EPS15: variants seen among roughly 807,000 people sequenced by gnomAD.
The protein encoded by EPS15 is epidermal growth factor receptor pathway substrate 15, also known as epidermal growth factor receptor substrate 15.
EPS15 carries 72 observed loss-of-function variants against 113.8 expected under a neutral mutation model. The observed-to-expected ratio is 0.63, with a 90% CI of 0.52 to 0.77. The LOEUF is 0.77. EPS15 is among the 30% of genes least tolerant of loss of function. The pLI is 0.00. For missense variants in EPS15, 1,048 were observed against 1,045.8 expected (o/e 1.00, Z -0.03); for synonymous variants, 344 against 363.4 (o/e 0.95, Z 0.61).
At chr1:51,395,686 T>C (rs924371150) in intron 20 of EPS15, among the ~76,000 whole-genome samples, 10 of 152,252 alleles carry the variant, frequency 6.6e-5, no homozygotes, top group African/African-American at 2.2e-4. Context: ...TCCTACTTTA[T>C]ACTTTAGTTT....
At chr1:51,496,624 C>T (rs1362299572) in intron 1 of EPS15, among the ~76,000 whole-genome samples, 1 of 152,164 alleles carries the variant, frequency 6.6e-6, no homozygotes. Context: ...GCAATTATGC[C>T]CAGAATCAGA....
At chr1:51,379,541 C>T (rs1646887466) in intron 21 of EPS15, among the ~76,000 whole-genome samples, 2 of 152,284 alleles carry the variant, frequency 1.3e-5, no homozygotes, top group Non-Finnish European at 2.9e-5. Flanking sequence ...GTAAACTGTC[C>T]TTCACAAACA....
intron 1 of EPS15, among the ~76,000 whole-genome samples, chr1:51,508,335 AG>A (rs1644552714): frequency 8.1e-6 from 1 of 122,732 alleles, no homozygotes; most frequent in Non-Finnish European, 1.6e-5. Flanking sequence ...AGAAAGAGAA[AG>A]AGAGAAAGAA....
chr1:51,412,103 AG>A (rs1209701220), intron 13 of EPS15, among the ~76,000 whole-genome samples: 1 of 152,228 alleles, frequency 6.6e-6, no homozygotes, highest in South Asian at 2.1e-4. Flanking sequence ...AAACTACCAC[AG>A]GAACAGAAAA....
intron 21 of EPS15, among the ~76,000 whole-genome samples, chr1:51,376,829 A>G (rs1434842740): frequency 1.3e-5 from 2 of 152,212 alleles, no homozygotes; most frequent in African/African-American, 4.8e-5. Context: ...TCAAGGAGTA[A>G]TTTTGACTTT....
At position 51,516,621 on chromosome 1, in the gene EPS15, C is replaced by T. The variant is rs1049105273; in HGVS notation, c.33+2578G>A. Among the ~76,000 whole-genome samples, 5 of 152,148 alleles carry T rather than the reference C, an allele frequency of 3.3e-5. 1 individual carries two copies. The highest frequency in any genetic ancestry group is 4.1e-4 in the South Asian group (2 of 4,832). On this transcript the variant is annotated intron_variant, in intron 1 of 24. Transcript: ENST00000371733. ...AAAGGAAGGAAGGCATAAGCTAAAA[C>T]ATTTTTCACATTTTTTCCCCAAACT...
At chr1:51,408,999 C>T (rs973330507) in intron 14 of EPS15, among the ~76,000 whole-genome samples, 2 of 152,028 alleles carry the variant, frequency 1.3e-5, no homozygotes, top group Admixed American at 6.6e-5. Flanking sequence ...GGGGTTTCAC[C>T]GTGGTCTCGA....
Position 51,366,247 on chromosome 1 carries a change from T to C in EPS15, c.2120-218A>G, listed in dbSNP as rs144049085. ...CATGCCTGACTAATTTTTGTGTTTT[T>C]TGTAGATATGGGGTTTTGCCATGTT... On this transcript the variant is annotated intron_variant, in intron 21 of 24. Coordinates refer to ENST00000371733, the MANE Select transcript of EPS15 (RefSeq NM_001981.3). 1.2e-3 allele frequency among the ~76,000 whole-genome samples: 180 copies of C among 152,238 alleles called. 1 individual carries two copies. The highest frequency in any genetic ancestry group is 4.0e-3 in the African/African-American group (165 of 41,532).
At chr1:51,476,522 T>C (rs1335183269) in intron 2 of EPS15, among the ~76,000 whole-genome samples, 1 of 152,186 alleles carries the variant, frequency 6.6e-6, no homozygotes, top group Non-Finnish European at 1.5e-5. Flanking sequence ...TATTTTGTAT[T>C]TCTGTGGGAT....
chr1:51,395,767 T>C (rs1046415027), intron 20 of EPS15, among the ~76,000 whole-genome samples: 2 of 152,220 alleles, frequency 1.3e-5, no homozygotes, highest in Non-Finnish European at 2.9e-5. Flanking sequence ...CCAGGCTCTT[T>C]TTAAGGGGCT....
intron 15 of EPS15, among the ~76,000 whole-genome samples, chr1:51,406,987 CAG>C (rs567261226): frequency 4.2e-4 from 64 of 152,092 alleles, no homozygotes; most frequent in African/African-American, 1.4e-3. Context: ...TGCCAGATAA[CAG>C]GGGGTAAGGA....
chr1:51,435,941 C>G (rs781031881), intron 12 of EPS15, among the ~76,000 whole-genome samples: 6 of 152,004 alleles, frequency 3.9e-5, no homozygotes, highest in Non-Finnish European at 8.8e-5. Context: ...ATGCTCCAGG[C>G]AAAGGCGAAC....
At chr1:51,447,854 CTCTA>C (rs757019680) in intron 9 of EPS15, 188 bp downstream of exon 9, 3 of 455,076 alleles carry the variant, frequency 6.6e-6, no homozygotes, top group Non-Finnish European at 8.7e-6. Context: ...CTTTTAATTG[CTCTA>C]TCTTTGTCAA....
chr1:51,415,232 TAAAC>T (rs1650095619), intron 13 of EPS15, among the ~76,000 whole-genome samples: 1 of 152,102 alleles, frequency 6.6e-6, no homozygotes, highest in Admixed American at 6.6e-5. Flanking sequence ...GGAAGACAAA[TAAAC>T]AAACCAATAT....
intron 21 of EPS15, among the ~76,000 whole-genome samples, chr1:51,378,677 A>G (rs1463266988): frequency 6.6e-6 from 1 of 152,236 alleles, no homozygotes; most frequent in Non-Finnish European, 1.5e-5. Context: ...ATATATACGA[A>G]TACATATAAT....
intron 12 of EPS15, among the ~76,000 whole-genome samples, chr1:51,430,667 G>C (rs1359231245): frequency 2.0e-5 from 3 of 151,826 alleles, no homozygotes; most frequent in Non-Finnish European, 4.4e-5. Context: ...TAAATTAAAA[G>C]TTCCTTTGCC....
At chr1:51,468,159 C>T (rs986019391) in intron 5 of EPS15, among the ~76,000 whole-genome samples, 4 of 152,054 alleles carry the variant, frequency 2.6e-5, no homozygotes, top group Non-Finnish European at 5.9e-5. Flanking sequence ...GGGGGTCTCG[C>T]TTTGTTTCCC....
intron 12 of EPS15, among the ~76,000 whole-genome samples, chr1:51,430,073 G>A (rs1651581314): frequency 6.6e-6 from 1 of 152,176 alleles, no homozygotes; most frequent in South Asian, 2.1e-4. Flanking sequence ...GCTTGTGGAG[G>A]AAGAGAGGAA....
intron 1 of EPS15, 148 bp downstream of exon 1, chr1:51,519,051 C>G: frequency 2.2e-6 from 1 of 451,404 alleles, no homozygotes; most frequent in South Asian, 7.1e-5. Flanking sequence ...CGCAGTCGCA[C>G]CCGCTTTCCC....
Sources: gnomAD v4.1 joint callset for allele counts (sites outside exome capture counted in the v4.1 genomes callset) on GRCh38, gnomAD v4.1.1 for gene constraint, MANE v1.5 for transcripts, NCBI Gene and HGNC (gene_info 2026-07-23, HGNC 2026-07-21) for gene names.